TENM3: variants seen among roughly 807,000 people sequenced by gnomAD.
The protein encoded by TENM3 is teneurin transmembrane protein 3.
A neutral mutation model predicts 255.1 loss-of-function variants in TENM3; 63 were observed. That is an observed-to-expected ratio of 0.25 (90% CI 0.20 to 0.30). TENM3 has a LOEUF of 0.30. Ranked by LOEUF, TENM3 falls within the 10% of genes least tolerant of loss-of-function variation. The pLI is 1.00. For synonymous variants in TENM3, 1,306 were observed against 1,322.3 expected (o/e 0.99, Z 0.27); for missense variants, 2,929 against 3,461.1 (o/e 0.85, Z 3.86).
intron 16 of TENM3, among the ~76,000 whole-genome samples, chr4:182,731,696 T>G (rs112485013): frequency 0.034 from 281 of 8,386 alleles, 2 homozygotes; most frequent in African/African-American, 0.11. Flanking sequence ...GGTGTTGGGG[T>G]GTGTGTGTGT....
the TENM3 span, among the ~76,000 whole-genome samples, chr4:182,019,435 T>A: frequency 6.6e-6 from 1 of 152,192 alleles, no homozygotes; most frequent in Non-Finnish European, 1.5e-5. Flanking sequence ...CTTTGCTATA[T>A]GTGTGATGTC....
chr4:181,654,971 G>A, the TENM3 span, among the ~76,000 whole-genome samples: 4 of 152,130 alleles, frequency 2.6e-5, no homozygotes, highest in Non-Finnish European at 5.9e-5. Context: ...CAGGTTTAGA[G>A]ATAGACAGAC....
the TENM3 span, among the ~76,000 whole-genome samples, chr4:181,785,467 T>C: frequency 6.6e-6 from 1 of 152,046 alleles, no homozygotes. Flanking sequence ...AAAAGTGTGG[T>C]TCAGATTTGG....
chr4:181,716,312 G>A, the TENM3 span, among the ~76,000 whole-genome samples: 1,885 of 152,136 alleles, frequency 0.012, 25 homozygotes, highest in Non-Finnish European at 0.018. Context: ...ATAATATGCC[G>A]TTAACCCAAT....
intron 3 of TENM3, among the ~76,000 whole-genome samples, chr4:182,392,858 A>G (rs188444699): frequency 6.6e-6 from 1 of 152,182 alleles, no homozygotes; most frequent in Non-Finnish European, 1.5e-5. Context: ...GCTATTTTTT[A>G]ATGAAGTTTA....
At chr4:181,515,756 T>C in the TENM3 span, among the ~76,000 whole-genome samples, 1 of 152,114 alleles carries the variant, frequency 6.6e-6, no homozygotes, top group Non-Finnish European at 1.5e-5. Flanking sequence ...CACTGTTTAT[T>C]CCATGATGAG....
chr4:182,451,837 G>C (rs969683686), intron 3 of TENM3, among the ~76,000 whole-genome samples: 1 of 152,114 alleles, frequency 6.6e-6, no homozygotes, highest in Non-Finnish European at 1.5e-5. Flanking sequence ...TGGAACATCA[G>C]TTCTTTATGT....
At chr4:182,358,530 G>A (rs1321819475) in intron 3 of TENM3, among the ~76,000 whole-genome samples, 6 of 151,968 alleles carry the variant, frequency 3.9e-5, no homozygotes, top group Middle Eastern at 3.4e-3. Flanking sequence ...GTCTGTTATC[G>A]GTGTATAAGA....
At chr4:182,200,160 G>A (rs943632411) in intron 1 of TENM3, among the ~76,000 whole-genome samples, 1 of 152,062 alleles carries the variant, frequency 6.6e-6, no homozygotes, top group African/African-American at 2.4e-5. Context: ...CATAGGGGGC[G>A]GAACAACATG....
chr4:182,608,703 T>C (rs1427583722), intron 4 of TENM3, among the ~76,000 whole-genome samples: 1 of 152,070 alleles, frequency 6.6e-6, no homozygotes, highest in Non-Finnish European at 1.5e-5. Context: ...GGGTGGCCGC[T>C]CAGGTCAGGG....
At chr4:181,864,074 A>G in the TENM3 span, among the ~76,000 whole-genome samples, 1 of 152,148 alleles carries the variant, frequency 6.6e-6, no homozygotes, top group Admixed American at 6.5e-5. Context: ...GTTGTAATCA[A>G]ACGTCTTAGT....
At chr4:182,533,550 A>T (rs1739979356) in intron 3 of TENM3, among the ~76,000 whole-genome samples, 1 of 151,842 alleles carries the variant, frequency 6.6e-6, no homozygotes, top group Non-Finnish European at 1.5e-5. Context: ...AAAAAAAAAA[A>T]AAAAAAAATC....
At chr4:182,030,183 T>A in the TENM3 span, among the ~76,000 whole-genome samples, 1 of 151,934 alleles carries the variant, frequency 6.6e-6, no homozygotes, top group Non-Finnish European at 1.5e-5. Context: ...CCGTTACCTA[T>A]GTATTTAGCC....
chr4:182,604,528 A>G (rs1748229803), intron 4 of TENM3, among the ~76,000 whole-genome samples: 1 of 152,226 alleles, frequency 6.6e-6, no homozygotes, highest in South Asian at 2.1e-4. Context: ...ACAAGAATAC[A>G]GAGCAGCTGA....
chr4:182,365,616 A>T (rs536564897), intron 3 of TENM3, among the ~76,000 whole-genome samples: 1 of 152,306 alleles, frequency 6.6e-6, no homozygotes, highest in South Asian at 2.1e-4. Context: ...CTGTATCCTT[A>T]TTGAGTAAAT....
At chr4:182,682,515 G>T (rs1429623908) in intron 11 of TENM3, among the ~76,000 whole-genome samples, 1 of 152,098 alleles carries the variant, frequency 6.6e-6, no homozygotes, top group Admixed American at 6.6e-5. Flanking sequence ...ATAAGACAAG[G>T]TAATTTCATT....
chr4:181,524,709 G>C, the TENM3 span, among the ~76,000 whole-genome samples: 1 of 152,022 alleles, frequency 6.6e-6, no homozygotes, highest in African/African-American at 2.4e-5. Context: ...AACAGAACAG[G>C]GGCCATTAAT....
intron 13 of TENM3, among the ~76,000 whole-genome samples, chr4:182,720,822 C>T (rs1196261745): frequency 7.0e-6 from 1 of 142,058 alleles, no homozygotes; most frequent in Non-Finnish European, 1.5e-5. Context: ...GGCTGGAGTG[C>T]AATAGCATAG....
At chr4:182,344,479 G>A (rs147056717) in intron 2 of TENM3, among the ~76,000 whole-genome samples, 51 of 152,176 alleles carry the variant, frequency 3.4e-4, no homozygotes, top group African/African-American at 1.2e-3. Context: ...TAGTTGCAAA[G>A]TGAACTGTGT....
Sources: allele counts gnomAD v4.1 joint callset (sites outside exome capture counted in the v4.1 genomes callset), GRCh38; gene constraint gnomAD v4.1.1; transcripts MANE v1.5; gene names NCBI Gene and HGNC (gene_info 2026-07-23, HGNC 2026-07-21).